HDAC9: variants seen among roughly 807,000 people sequenced by gnomAD.
HDAC9 encodes the protein MEF-2 interacting transcription repressor (MITR) protein.
Under a neutral mutation model 139.4 loss-of-function variants are expected in HDAC9, and 41 were observed. The observed-to-expected ratio is 0.29, with a 90% CI of 0.23 to 0.38. The LOEUF is 0.38. Ranked by LOEUF, HDAC9 falls within the 10% of genes least tolerant of loss-of-function variation. The pLI is 1.00. For synonymous variants in HDAC9, 517 were observed against 476.2 expected (o/e 1.09, Z -1.12); for missense variants, 1,147 against 1,297.0 (o/e 0.88, Z 1.78).
intron 1 of HDAC9, among the ~76,000 whole-genome samples, chr7:18,348,947 A>G (rs917652986): frequency 1.2e-4 from 18 of 152,156 alleles, no homozygotes; most frequent in African/African-American, 4.1e-4. Context: ...TTGAGACAGC[A>G]TCTTATAGGT....
At chr7:18,542,313 C>T (rs1413458568) in intron 2 of HDAC9, among the ~76,000 whole-genome samples, 1 of 152,112 alleles carries the variant, frequency 6.6e-6, no homozygotes. Flanking sequence ...ATCAAATTAC[C>T]AACTTCTCTA....
intron 2 of HDAC9, among the ~76,000 whole-genome samples, chr7:18,263,396 G>A (rs1018196434): frequency 2.6e-5 from 4 of 152,112 alleles, no homozygotes; most frequent in African/African-American, 9.7e-5. Context: ...GATCAGGAGG[G>A]CAGGCAGGAG....
At chr7:18,385,983 CT>C (rs1785893366) in intron 1 of HDAC9, among the ~76,000 whole-genome samples, 1 of 151,686 alleles carries the variant, frequency 6.6e-6, no homozygotes, top group Admixed American at 6.6e-5. Flanking sequence ...GTTTAACGCA[CT>C]CTTTGTTTCT....
intron 21 of HDAC9, among the ~76,000 whole-genome samples, chr7:18,842,725 C>A (rs538688027): frequency 6.6e-6 from 1 of 152,130 alleles, no homozygotes; most frequent in South Asian, 2.1e-4. Context: ...CAATTTTCAT[C>A]AAAAAATTAC....
At chr7:18,527,255 A>G (rs1358089870) in intron 2 of HDAC9, among the ~76,000 whole-genome samples, 1 of 152,112 alleles carries the variant, frequency 6.6e-6, no homozygotes, top group Non-Finnish European at 1.5e-5. Flanking sequence ...TTTTTGAGAA[A>G]AATTTGTTGG....
At chr7:18,765,341 G>A (rs1200609927) in intron 15 of HDAC9, among the ~76,000 whole-genome samples, 1 of 151,924 alleles carries the variant, frequency 6.6e-6, no homozygotes, top group Non-Finnish European at 1.5e-5. Context: ...TAATTTATTG[G>A]CTGGGCACAG....
At chr7:18,539,301 C>T (rs1261688665) in intron 2 of HDAC9, among the ~76,000 whole-genome samples, 1 of 152,020 alleles carries the variant, frequency 6.6e-6, no homozygotes, top group Non-Finnish European at 1.5e-5. Flanking sequence ...AAAAAAACAC[C>T]AGACAAATTC....
At chr7:18,761,709 GATC>G (rs1448081189) in intron 14 of HDAC9, among the ~76,000 whole-genome samples, 2 of 152,090 alleles carry the variant, frequency 1.3e-5, no homozygotes, top group African/African-American at 4.8e-5. Flanking sequence ...GCGTATCTGT[GATC>G]ATCAAGTTCA....
intron 1 of HDAC9, among the ~76,000 whole-genome samples, chr7:18,452,966 C>T (rs915268760): frequency 3.3e-5 from 5 of 152,142 alleles, no homozygotes; most frequent in Admixed American, 2.6e-4. Flanking sequence ...CTAGGATGCT[C>T]TATCAAGGAA....
intron 22 of HDAC9, among the ~76,000 whole-genome samples, chr7:18,930,891 C>CT (rs1213985628): frequency 6.6e-6 from 1 of 152,082 alleles, no homozygotes; most frequent in African/African-American, 2.4e-5. Context: ...TTTTATGGGA[C>CT]TTTTTTTCAT....
Position 18,194,329 on chromosome 7 carries a change from C to T in HDAC9, c.25+31980C>T, listed in dbSNP as rs1790582342. Among the ~76,000 whole-genome samples, 6 of 152,070 alleles carry T rather than the reference C, an allele frequency of 3.9e-5. No homozygotes were observed. The South Asian group carries it at 1.2e-3, about 31-fold the overall frequency. On this transcript the variant is annotated intron_variant, in intron 2 of 12. Transcript: ENST00000417496. ...TTGGTTATTTTTCTTTTAGACTATTCTGTTTTGTTATTGATTTATAAGACC... is the reference window on the plus strand; with the variant it reads ...TTGGTTATTTTTCTTTTAGACTATTTTGTTTTGTTATTGATTTATAAGACC...
chr7:18,973,846 T>A (rs545873275), intron 24 of HDAC9, among the ~76,000 whole-genome samples: 1 of 152,152 alleles, frequency 6.6e-6, no homozygotes, highest in Non-Finnish European at 1.5e-5. Flanking sequence ...GATGTGAAAT[T>A]GGTCTTCCTG....
intron 1 of HDAC9, among the ~76,000 whole-genome samples, chr7:18,318,113 C>T (rs1799784278): frequency 6.6e-6 from 1 of 152,156 alleles, no homozygotes; most frequent in Admixed American, 6.5e-5. Context: ...CCTGGTTCAT[C>T]CCAGTGTCCT....
At chr7:18,725,334 G>A (rs1054498803) in intron 12 of HDAC9, among the ~76,000 whole-genome samples, 14 of 152,186 alleles carry the variant, frequency 9.2e-5, no homozygotes, top group South Asian at 6.2e-4. Context: ...TGCAGCCCTC[G>A]GAATGATATC....
At chr7:18,840,359 TA>T (rs1322657565) in intron 21 of HDAC9, among the ~76,000 whole-genome samples, 1 of 152,052 alleles carries the variant, frequency 6.6e-6, no homozygotes, top group Non-Finnish European at 1.5e-5. Flanking sequence ...AATCTGTACA[TA>T]TCAGCTCTTC....
intron 1 of HDAC9, among the ~76,000 whole-genome samples, chr7:18,290,853 A>C (rs1407668487): frequency 6.6e-6 from 1 of 152,220 alleles, no homozygotes; most frequent in Non-Finnish European, 1.5e-5. Context: ...AATTGTCAGC[A>C]GGGGCATTAT....
chr7:18,319,544 C>A (rs1799885858), intron 1 of HDAC9, among the ~76,000 whole-genome samples: 1 of 152,214 alleles, frequency 6.6e-6, no homozygotes, highest in Non-Finnish European at 1.5e-5. Flanking sequence ...TTTATGAGTT[C>A]CCCATCATTA....
chr7:18,097,901 T>C (rs762770503), intron 1 of HDAC9, among the ~76,000 whole-genome samples: 2 of 152,204 alleles, frequency 1.3e-5, no homozygotes, highest in Admixed American at 6.5e-5. Flanking sequence ...ATCATTTTCA[T>C]TTCTGGTGTT....
chr7:18,673,725 A>G (rs758169136), intron 12 of HDAC9, among the ~76,000 whole-genome samples: 4 of 152,160 alleles, frequency 2.6e-5, no homozygotes, highest in South Asian at 2.1e-4. Context: ...CATCACATCA[A>G]TTTGAAAATA....
Sources: gnomAD v4.1 joint callset for allele counts (sites outside exome capture counted in the v4.1 genomes callset) on GRCh38, gnomAD v4.1.1 for gene constraint, MANE v1.5 for transcripts, NCBI Gene and HGNC (gene_info 2026-07-23, HGNC 2026-07-21) for gene names.